TLE2: variants seen among roughly 807,000 people sequenced by gnomAD.
TLE2 encodes the protein transducin-like enhancer protein 2.
In TLE2, 74 loss-of-function variants were observed where a neutral mutation model predicts 97.2. That is an observed-to-expected ratio of 0.76 (90% CI 0.63 to 0.92). The LOEUF (loss-of-function observed/expected upper bound fraction) is 0.92, where lower values mean the gene tolerates loss of function less well. Among genes scored for constraint, TLE2 ranks in the 40% least tolerant of loss-of-function variants. The probability of loss-of-function intolerance (pLI) is 0.00; values close to 1 mark genes in which losing one functional copy is unlikely to be tolerated. For synonymous variants in TLE2, 499 were observed against 432.1 expected, an observed-to-expected ratio of 1.15 and a Z score of -1.92; for missense variants, 1,038 against 1,008.7, an observed-to-expected ratio of 1.03 and a Z score of -0.39.
At position 3,040,785 on chromosome 19, in the gene TLE2, C is replaced by T. The variant is rs547320943; in HGVS notation, c.63+4941G>A. ...CCAAGTAGCTGAGACCACAATCGTG[C>T]ACCACCACGCCTGGCTCATTTTTTT... On this transcript the variant is annotated intron_variant, in intron 1 of 18. Coordinates refer to the TLE2 transcript ENST00000426948. Among the ~76,000 whole-genome samples, 4 of 151,898 alleles carry T rather than the reference C, an allele frequency of 2.6e-5. No homozygotes were observed. The South Asian group carries it at 8.3e-4, about 32-fold the overall frequency.
At chr19:3,014,943 T>A (rs1770563472) in intron 9 of TLE2, among the ~76,000 whole-genome samples, 1 of 150,378 alleles carries the variant, frequency 6.6e-6, no homozygotes, top group African/African-American at 2.5e-5. Context: ...CCAGCAATCA[T>A]CCTTACCGCC....
At chr19:3,016,419 CAAAA>C (rs34669546) in intron 8 of TLE2, among the ~76,000 whole-genome samples, 2 of 91,552 alleles carry the variant, frequency 2.2e-5, no homozygotes, top group African/African-American at 4.2e-5. Context: ...ACTAAAAATA[CAAAA>C]AAAAAAAAAA....
At chr19:3,021,710 G>T (rs2089847674) in intron 5 of TLE2, among the ~76,000 whole-genome samples, 2 of 151,548 alleles carry the variant, frequency 1.3e-5, no homozygotes, top group African/African-American at 4.8e-5. Flanking sequence ...AGCCTCCCAA[G>T]TAGGTGAGAT....
chr19:3,010,508 G>A (rs1599211054), intron 12 of TLE2, among the ~76,000 whole-genome samples: 1 of 152,250 alleles, frequency 6.6e-6, no homozygotes, highest in African/African-American at 2.4e-5. Flanking sequence ...ATACAGGGCT[G>A]TGAGTTTTGG....
At chr19:3,020,031 C>T (rs1013965329) in intron 5 of TLE2, 3 of 514,794 alleles carry the variant, frequency 5.8e-6, no homozygotes, top group Admixed American at 6.7e-5. Context: ...GCCTGGAATC[C>T]CAGCGCTTTG....
At chr19:3,033,091 C>A (rs2145222532), upstream of TLE2, among the ~76,000 whole-genome samples, 1 of 152,002 alleles carries the variant, frequency 6.6e-6, no homozygotes, top group African/African-American at 2.4e-5. Flanking sequence ...CGGCTCACTG[C>A]AACCTCCGCC....
chr19:3,010,373 AG>A (rs746423863), intron 12 of TLE2, among the ~76,000 whole-genome samples: 1 of 93,440 alleles, frequency 1.1e-5, no homozygotes, highest in Non-Finnish European at 2.4e-5. Flanking sequence ...TCAAAAAAAA[AG>A]GAAAAAAAAA....
intron 13 of TLE2, among the ~76,000 whole-genome samples, chr19:3,009,287 C>T (rs903618306): frequency 6.6e-6 from 1 of 152,342 alleles, no homozygotes; most frequent in East Asian, 1.9e-4. Context: ...AACAGTGTCC[C>T]GAGGCCAAGG....
At chr19:3,010,984 GC>G (rs1244720542) in intron 12 of TLE2, 37 bp downstream of exon 12, 14 of 1,583,760 alleles carry the variant, frequency 8.8e-6, no homozygotes, top group Non-Finnish European at 1.2e-5. Flanking sequence ...CAGAGACGAG[GC>G]CTGCTCCAGA....
chr19:3,014,824 C>T (rs1167430721), intron 9 of TLE2, among the ~76,000 whole-genome samples: 1 of 151,916 alleles, frequency 6.6e-6, no homozygotes, highest in Non-Finnish European at 1.5e-5. Context: ...CAGGTGGGCA[C>T]CTTGTGGAGA....
At chr19:3,025,174 G>A (rs963077453) in intron 4 of TLE2, 92 bp from the exon 5 acceptor site, 15 of 1,341,262 alleles carry the variant, frequency 1.1e-5, no homozygotes, top group East Asian at 2.6e-5. Context: ...TGGCAAAGCC[G>A]AAGGGTTGGG....
At position 3,028,696 on chromosome 19, in the gene TLE2, C is replaced by A. The variant is rs1487066853; in HGVS notation, c.122+10G>T. ...TGAACTCCCGCGGCCCCTGGGGCGG[C>A]CCCCCTCACCTGTGGTATTGAGCCT... On this transcript the variant is annotated intron_variant, in intron 2 of 19. Coordinates refer to ENST00000262953, the MANE Select transcript of TLE2 (RefSeq NM_003260.5). 3 of 1,612,296 alleles carry A rather than the reference C, an allele frequency of 1.9e-6. No homozygotes were observed. Among genetic ancestry groups the A allele is most frequent in the Non-Finnish European group, 1.7e-6 (2 of 1,179,528 alleles).
intron 1 of TLE2, among the ~76,000 whole-genome samples, chr19:3,036,701 C>T (rs1205637113): frequency 6.6e-6 from 1 of 152,148 alleles, no homozygotes; most frequent in African/African-American, 2.4e-5. Context: ...CTCTTTGAGC[C>T]TCAGTTTACC....
Position 3,002,371 on chromosome 19 carries a change from G to A in TLE2, c.2029C>T (p.Leu677=). ...GACACACCGCAGGAGGCAAACTTCA[G>A]GGACAGCACGCAGCTCTCGTGGAGG... is the stretch of plus-strand genomic sequence containing the variant. ...LHLHESCVLS[L]KFASCGRWFV... The change falls in exon 18 of 20, where the codon CTG becomes TTG. Residue 677 remains leucine (L), a synonymous_variant. Transcript: ENST00000262953. The A allele has an allele frequency of 6.2e-7, 1 of 1,613,066 alleles. No homozygotes were observed. The highest frequency in any genetic ancestry group is 1.1e-5 in the South Asian group (1 of 90,952).
intron 19 of TLE2, 42 bp from the exon 20 acceptor site, chr19:2,997,997 G>A (rs778108986): frequency 5.5e-6 from 8 of 1,458,132 alleles, no homozygotes; most frequent in South Asian, 4.7e-5. Context: ...AGTGAGGCAT[G>A]GTCCCCACAG....
intron 5 of TLE2, among the ~76,000 whole-genome samples, chr19:3,022,176 G>A (rs12981498): frequency 1.3e-5 from 2 of 151,884 alleles, no homozygotes; most frequent in African/African-American, 4.8e-5. Context: ...AGCCTCCCGA[G>A]TAGCTGGGAT....
Position 2,998,275 on chromosome 19 carries a change from G to GTGTGTGTGTGTA in TLE2, c.2125-321_2125-320insTACACACACACA, listed in dbSNP as rs796339147. Among the ~76,000 whole-genome samples the GTGTGTGTGTGTA allele has an allele frequency of 3.9e-3, 426 of 110,322 alleles. 12 individuals carry two copies. The highest frequency in any genetic ancestry group is 0.011 in the African/African-American group (410 of 35,760). The allele number at this position is 110,322 out of a possible 152,430, so 72.4% of individuals were successfully genotyped here. A position where few individuals can be genotyped will look rare whatever the true frequency, so the allele number is the denominator to read the frequency against. The stretch of plus-strand genomic sequence containing the variant: ...TGTGTGTGTGTGTGTGTGTGTGTGT[G>GTGTGTGTGTGTA]TAATTTTTTTTTTTTTTTGTGAGAC... On this transcript the variant is annotated intron_variant, in intron 19 of 19. Coordinates refer to ENST00000262953, the MANE Select transcript of TLE2 (RefSeq NM_003260.5).
At chr19:3,034,650 C>T (rs2095786091) in intron 1 of TLE2, among the ~76,000 whole-genome samples, 1 of 151,932 alleles carries the variant, frequency 6.6e-6, no homozygotes, top group Non-Finnish European at 1.5e-5. Flanking sequence ...CCCCAGCCTC[C>T]TGTCTTCTTC....
intron 1 of TLE2, among the ~76,000 whole-genome samples, chr19:3,041,449 C>A (rs2090102727): frequency 6.6e-6 from 1 of 152,154 alleles, no homozygotes; most frequent in Non-Finnish European, 1.5e-5. Flanking sequence ...ACCGGGATTC[C>A]CTCTGCCTGG....
Sources: allele counts gnomAD v4.1 joint callset (sites outside exome capture counted in the v4.1 genomes callset), GRCh38; gene constraint gnomAD v4.1.1; transcripts MANE v1.5; gene names NCBI Gene and HGNC (gene_info 2026-07-23, HGNC 2026-07-21).